Variants in MAT2A observed in about 807,000 individuals in gnomAD.
MAT2A encodes methionine adenosyltransferase 2A.
In MAT2A, 3 loss-of-function variants were observed where a neutral mutation model predicts 43.9. That is an observed-to-expected ratio of 0.07 (90% CI 0.03 to 0.18). The LOEUF (loss-of-function observed/expected upper bound fraction) is 0.18, where lower values mean the gene tolerates loss of function less well. Ranked by LOEUF, MAT2A falls within the 10% of genes least tolerant of loss-of-function variation. The pLI is 1.00. For missense variants in MAT2A, 204 were observed against 489.0 expected (o/e 0.42, Z 5.50); for synonymous variants, 200 against 168.4 (o/e 1.19, Z -1.45).
intron 1 of MAT2A, chr2:85,539,629 C>T (rs937192000): frequency 5.5e-5 from 20 of 360,996 alleles, no homozygotes; most frequent in Admixed American, 1.0e-4. Context: ...CCTAGGCATG[C>T]GGAAGGTTCC....
chr2:85,542,043 T>C (rs925241620), intron 5 of MAT2A, 71 bp downstream of exon 5: 26 of 1,591,100 alleles, frequency 1.6e-5, no homozygotes, highest in Non-Finnish European at 1.8e-5. Context: ...ATTTTGATAA[T>C]AGCTAACTGG....
At chr2:85,542,424 T>A (rs1691500092) in intron 6 of MAT2A, 51 bp downstream of exon 6, 1 of 1,581,980 alleles carries the variant, frequency 6.3e-7, no homozygotes, top group Non-Finnish European at 8.7e-7. Flanking sequence ...TACTTAAAAT[T>A]TTGGCTACTA....
chr2:85,540,519 G>GA (rs1252264067), intron 1 of MAT2A, among the ~76,000 whole-genome samples: 3 of 152,138 alleles, frequency 2.0e-5, no homozygotes, highest in African/African-American at 7.2e-5. Context: ...AGAAAATTCA[G>GA]AAAAACGAAC....
At position 85,541,888 on chromosome 2, in the gene MAT2A, C is replaced by T. The variant is rs1352353696; in HGVS notation, c.465C>T (p.Val155=). ...ETEECMPLTI[V]LAHKLNAKLA... Reference sequence around the variant, plus strand: ...AGGAGTGTATGCCTTTAACCATTGTCTTGGCACACAAGCTAAATGCCAAAC... The same window carrying T: ...AGGAGTGTATGCCTTTAACCATTGTTTTGGCACACAAGCTAAATGCCAAAC... The change falls in exon 5 of 9, where the codon GTC becomes GTT. Residue 155 remains valine (V), a synonymous_variant. Coordinates refer to ENST00000306434, the MANE Select transcript of MAT2A (RefSeq NM_005911.6). 1.9e-6 allele frequency: 3 copies of T among 1,614,232 alleles called. No individual in the cohort carries two copies. The highest frequency in any genetic ancestry group is 1.7e-5 in the Admixed American group (1 of 60,034).
Position 85,542,987 on chromosome 2 carries a change from A to T in MAT2A, c.1038A>T (p.Leu346Phe). 1 of 1,613,594 alleles carries T rather than the reference A, an allele frequency of 6.2e-7. No individual in the cohort carries two copies. Among genetic ancestry groups the T allele is most frequent in the Non-Finnish European group, 8.5e-7 (1 of 1,179,984 alleles). Residue 346 changes from leucine (L) to phenylalanine (F), a missense_variant, in exon 8 of 9, where the codon TTA becomes TTT. This residue lies in a region of MAT2A where 45 missense variants were observed against 106.8 expected (regional missense o/e 0.42). Coordinates refer to ENST00000306434, the MANE Select transcript of MAT2A (RefSeq NM_005911.6). ...GTSQKSEREL[L>F]EIVKKNFDLR... ...CTCAGAAGAGTGAGAGAGAGCTATT[A>T]GAGATTGTGAAGAAGAATTTCGATC... is the stretch of plus-strand genomic sequence containing the variant.
intron 1 of MAT2A, among the ~76,000 whole-genome samples, chr2:85,540,261 A>G (rs185051409): frequency 2.0e-5 from 3 of 152,238 alleles, no homozygotes; most frequent in African/African-American, 7.2e-5. Flanking sequence ...AAAGATGATT[A>G]TTTGGCTCTT....
In MAT2A at chr2:85,544,962, A is replaced by C. The variant is rs1372026232; in HGVS notation, c.*1190A>C. The C allele has an allele frequency of 6.6e-6, 1 of 152,164 alleles. No individual in the cohort carries two copies. Among genetic ancestry groups the C allele is most frequent in the Non-Finnish European group, 1.5e-5 (1 of 67,956 alleles). 9.4% of individuals were successfully genotyped at this position (152,164 alleles called of 1,614,324 possible). ...GATTTTTTTTTTTTCTCTCAACACCATGATTCCTTTAACAACATGTTTCCA... is the reference window on the plus strand; with the variant it reads ...GATTTTTTTTTTTTCTCTCAACACCCTGATTCCTTTAACAACATGTTTCCA... On this transcript the variant is annotated 3_prime_UTR_variant, in exon 9 of 9. Coordinates refer to ENST00000306434, the MANE Select transcript of MAT2A (RefSeq NM_005911.6).
intron 6 of MAT2A, 52 bp from the exon 7 acceptor site, chr2:85,542,513 A>C: frequency 6.4e-7 from 1 of 1,562,766 alleles, no homozygotes; most frequent in Non-Finnish European, 8.8e-7. Context: ...TAGGCAACCT[A>C]ATCCACTTGG....
chr2:85,543,827 A>G lies in MAT2A; in HGVS notation c.*55A>G. ...TGGCGTAGGCTACAGAGAAGCCTTC[A>G]AGCTCTGAGGGAAAGGGCCCTCCTT... On this transcript the variant is annotated 3_prime_UTR_variant, in exon 9 of 9. Coordinates refer to ENST00000306434, the MANE Select transcript of MAT2A (RefSeq NM_005911.6). The G allele has an allele frequency of 2.5e-6, 3 of 1,200,648 alleles. No homozygotes were observed. Among genetic ancestry groups the G allele is most frequent in the Non-Finnish European group, 1.2e-6 (1 of 841,760 alleles). 74.4% of individuals were successfully genotyped at this position (1,200,648 alleles called of 1,614,324 possible). A position where few individuals can be genotyped will look rare whatever the true frequency, so the allele number is the denominator to read the frequency against.
chr2:85,543,335 G>T, intron 8 of MAT2A: 1 of 412,854 alleles, frequency 2.4e-6, no homozygotes, highest in Non-Finnish European at 4.4e-6. Context: ...GTTGCTCAAG[G>T]TTTGTTGCAA....
intron 1 of MAT2A, chr2:85,539,592 C>A (rs187999104): frequency 4.5e-6 from 2 of 440,596 alleles, no homozygotes; most frequent in Non-Finnish European, 4.0e-6. Flanking sequence ...CCTTCCCTTC[C>A]CCCCTCCCTT....
Position 85,542,925 on chromosome 2 carries a change from C to T in MAT2A, c.976C>T (p.His326Tyr). Residue 326 changes from histidine to tyrosine, a missense_variant, in exon 8 of 9, where the codon CAT becomes TAT. Physicochemically the swap from His to Tyr is moderately conservative, Grantham distance 83 (BLOSUM62 2). Transcript: ENST00000306434. ...VQVSYAIGVS[H>Y]PLSISIFHYG... ...GGTCTCTTATGCTATTGGAGTTTCT[C>T]ATCCATTATCTATCTCCATTTTCCA... 2 of 1,613,454 alleles carry T rather than the reference C, an allele frequency of 1.2e-6. No homozygotes were observed. The highest frequency in any genetic ancestry group is 2.2e-5 in the East Asian group (1 of 44,880).
intron 5 of MAT2A, 26 bp from the exon 6 acceptor site, chr2:85,542,129 T>A (rs1175364724): frequency 2.5e-6 from 4 of 1,598,672 alleles, no homozygotes; most frequent in African/African-American, 1.3e-5. Flanking sequence ...TGGTGTGATG[T>A]TCTGATGACC....
Position 85,541,981 on chromosome 2 carries a change from T to C in MAT2A, c.549+9T>C. The C allele has an allele frequency of 6.2e-7, 1 of 1,610,592 alleles. No individual in the cohort carries two copies. Among genetic ancestry groups the C allele is most frequent in the Non-Finnish European group, 8.5e-7 (1 of 1,177,096 alleles). On this transcript the variant is annotated intron_variant, in intron 5 of 8. Transcript: ENST00000306434. The stretch of plus-strand genomic sequence containing the variant: ...CTGATTCTAAAACTCAAGTAAGTGA[T>C]GATCATAAAGCTTGGTTGTCTCATT...
intron 1 of MAT2A, chr2:85,539,850 G>C (rs1691417296): frequency 6.4e-6 from 1 of 155,672 alleles, no homozygotes; most frequent in Non-Finnish European, 1.4e-5. Context: ...GGGGAGCCGT[G>C]AGCCTCCCCG....
At chr2:85,539,708 C>G (rs1048571299) in intron 1 of MAT2A, 1 of 186,672 alleles carries the variant, frequency 5.4e-6, no homozygotes, top group Non-Finnish European at 1.1e-5. Context: ...CACTGTTAAC[C>G]CCTCCCGGCC....
Position 85,542,555 on chromosome 2 carries a change from G to A in MAT2A, c.769-10G>A. ...CTAGGCGTAAAGTAACTTAAATCCT[G>A]TAATTTCAGGGTGATGCTGGTTTGA... On this transcript the variant is annotated splice_polypyrimidine_tract_variant and intron_variant, in intron 6 of 8. Coordinates refer to ENST00000306434, the MANE Select transcript of MAT2A (RefSeq NM_005911.6). 1 of 1,612,404 alleles carries A rather than the reference G, an allele frequency of 6.2e-7. No homozygotes were observed. The highest frequency in any genetic ancestry group is 8.5e-7 in the Non-Finnish European group (1 of 1,178,836).
intron 1 of MAT2A, among the ~76,000 whole-genome samples, chr2:85,540,204 C>G (rs577049794): frequency 4.1e-4 from 62 of 152,314 alleles, no homozygotes; most frequent in African/African-American, 1.5e-3. Flanking sequence ...AGGAGTAAAG[C>G]TATATTTCCA....
rs1271969431 is a variant in MAT2A, at chr2:85,539,225, T to TCGCAGC, written c.-59_-54dup. On this transcript the variant is annotated 5_prime_UTR_variant, in exon 1 of 9. Transcript: ENST00000306434. ...GAACGCTGTCCGCAGCTTGCGCATT[T>TCGCAGC]CGCAGCCGCTGCCGCCTCGCCGCTG... 2 of 1,228,698 alleles carry TCGCAGC rather than the reference T, an allele frequency of 1.6e-6. No homozygotes were observed. The highest frequency in any genetic ancestry group is 2.3e-6 in the Non-Finnish European group (2 of 857,202). 76.1% of individuals were successfully genotyped at this position (1,228,698 alleles called of 1,614,324 possible). A position where few individuals can be genotyped will look rare whatever the true frequency, so the allele number is the denominator to read the frequency against.
Sources: allele counts gnomAD v4.1 joint callset (sites outside exome capture counted in the v4.1 genomes callset), GRCh38; gene constraint gnomAD v4.1.1; regional missense constraint gnomAD v4.1.1; transcripts MANE v1.5; gene names NCBI Gene and HGNC (gene_info 2026-07-23, HGNC 2026-07-21).